RIN2: variants seen among roughly 807,000 people sequenced by gnomAD.
RIN2 encodes Ras and Rab interactor 2, also known as RAB5 interacting protein 2.
A neutral mutation model predicts 78.0 loss-of-function variants in RIN2; 36 were observed. The ratio of observed to expected loss-of-function variants is 0.46; its 90% CI spans 0.35 to 0.61. The LOEUF is 0.61. RIN2 is among the 20% of genes least tolerant of loss of function. The pLI is 0.00. For synonymous variants in RIN2, 466 were observed against 466.8 expected (o/e 1.00, Z 0.02); for missense variants, 1,087 against 1,159.7 (o/e 0.94, Z 0.91).
Position 19,996,170 on chromosome 20 carries a change from C to T in RIN2, c.2201-509C>T, listed in dbSNP as rs575529939. On this transcript the variant is annotated intron_variant, in intron 11 of 12. Coordinates refer to ENST00000255006, the MANE Select transcript of RIN2 (RefSeq NM_018993.4). ...CTCTACTAAAAATACAAAAATTAGCCAGGCGTGGTGGTGCATGCCTTTAAT... is the reference window on the plus strand; with the variant it reads ...CTCTACTAAAAATACAAAAATTAGCTAGGCGTGGTGGTGCATGCCTTTAAT... Among the ~76,000 whole-genome samples, 27 of 152,200 alleles carry T rather than the reference C, an allele frequency of 1.8e-4. No homozygotes were observed. The South Asian group carries it at 3.7e-3, about 21-fold the overall frequency.
Position 19,772,757 on chromosome 20 carries a change from C to T in RIN2, c.-163+14430C>T, listed in dbSNP as rs188516665. On this transcript the variant is annotated intron_variant, in intron 1 of 12. Transcript: ENST00000255006. ...CTCATCCCCCTGGTATGCATGAAGT[C>T]GTTTTATGCTTTTTTCCCCAAATTA... Among the ~76,000 whole-genome samples the T allele has an allele frequency of 6.2e-3, 949 of 152,244 alleles. 4 individuals are homozygous for T. Among genetic ancestry groups the T allele is most frequent in the Non-Finnish European group, 0.01 (714 of 68,020 alleles).
chr20:19,808,603 C>G (rs1389099714), intron 2 of RIN2, among the ~76,000 whole-genome samples: 1 of 152,222 alleles, frequency 6.6e-6, no homozygotes, highest in African/African-American at 2.4e-5. Context: ...ATGGTCTACC[C>G]TGGTTGGTGG....
intron 3 of RIN2, among the ~76,000 whole-genome samples, chr20:19,908,400 A>C (rs1033694491): frequency 1.3e-5 from 2 of 151,764 alleles, no homozygotes; most frequent in Non-Finnish European, 2.9e-5. Flanking sequence ...CTGAGGCAGG[A>C]GAATGGCGTG....
At chr20:19,857,282 C>T (rs1362540843) in intron 2 of RIN2, among the ~76,000 whole-genome samples, 2 of 152,150 alleles carry the variant, frequency 1.3e-5, no homozygotes, top group Non-Finnish European at 2.9e-5. Flanking sequence ...TGAGCAAATG[C>T]ATCCACGTTG....
chr20:19,914,686 T>G (rs976096647), intron 3 of RIN2, among the ~76,000 whole-genome samples: 1 of 152,216 alleles, frequency 6.6e-6, no homozygotes, highest in African/African-American at 2.4e-5. Context: ...GTTCACAGTG[T>G]GGTCTGCCCG....
chr20:19,899,973 C>A (rs2074742469), intron 3 of RIN2, among the ~76,000 whole-genome samples: 1 of 152,102 alleles, frequency 6.6e-6, no homozygotes, highest in Admixed American at 6.5e-5. Flanking sequence ...CCTGCAGGGC[C>A]AAACAGAAAT....
chr20:19,823,263 G>C (rs2035982422), intron 2 of RIN2, among the ~76,000 whole-genome samples: 2 of 152,204 alleles, frequency 1.3e-5, no homozygotes, highest in African/African-American at 2.4e-5. Flanking sequence ...TGAAGAAGCA[G>C]AAGGTAGTGA....
intron 2 of RIN2, among the ~76,000 whole-genome samples, chr20:19,868,879 A>G (rs1012862303): frequency 4.6e-5 from 7 of 152,094 alleles, no homozygotes; most frequent in Non-Finnish European, 7.4e-5. Flanking sequence ...TCAGGAGTTC[A>G]AGACCAACCT....
chr20:19,835,821 T>A (rs1239857360), intron 2 of RIN2, among the ~76,000 whole-genome samples: 3 of 152,178 alleles, frequency 2.0e-5, no homozygotes, highest in Non-Finnish European at 4.4e-5. Flanking sequence ...CTCCTCTCCA[T>A]GAACTTGTTT....
At chr20:19,960,842 C>T in intron 6 of RIN2, 31 bp downstream of exon 6, 2 of 1,374,120 alleles carry the variant, frequency 1.5e-6, no homozygotes, top group Admixed American at 1.9e-5. Context: ...CAGGTCCTGA[C>T]TGACAGGGCC....
chr20:19,789,216 C>T (rs763210720), intron 1 of RIN2, among the ~76,000 whole-genome samples: 5 of 151,994 alleles, frequency 3.3e-5, no homozygotes, highest in Non-Finnish European at 7.4e-5. Context: ...AGTTGATATT[C>T]CTGAGGAAAA....
At chr20:19,789,292 TA>T (rs1290331406) in intron 1 of RIN2, among the ~76,000 whole-genome samples, 3 of 152,226 alleles carry the variant, frequency 2.0e-5, no homozygotes, top group African/African-American at 7.2e-5. Context: ...GCTTAAATGT[TA>T]AAACTAAAAC....
At chr20:19,812,673 G>C (rs1035372508) in intron 2 of RIN2, among the ~76,000 whole-genome samples, 1 of 152,160 alleles carries the variant, frequency 6.6e-6, no homozygotes, top group East Asian at 1.9e-4. Context: ...TCACACTGCA[G>C]CACCCCCCCA....
chr20:19,856,206 G>A (rs1014242610), intron 2 of RIN2, among the ~76,000 whole-genome samples: 1 of 152,076 alleles, frequency 6.6e-6, no homozygotes, highest in Admixed American at 6.5e-5. Flanking sequence ...TCCTTGTAAT[G>A]CGCATGGGAA....
intron 1 of RIN2, among the ~76,000 whole-genome samples, 200 bp downstream of exon 1, chr20:19,758,527 G>A (rs1053263306): frequency 1.3e-5 from 2 of 152,206 alleles, no homozygotes; most frequent in African/African-American, 4.8e-5. Flanking sequence ...GGGGGAAGGG[G>A]GATCAGGGAG....
At chr20:19,854,890 T>G (rs1039833638) in intron 2 of RIN2, among the ~76,000 whole-genome samples, 1 of 152,228 alleles carries the variant, frequency 6.6e-6, no homozygotes, top group African/African-American at 2.4e-5. Context: ...CCTGCCTGAT[T>G]GCCCTGGCCA....
At chr20:19,919,020 G>T (rs746514635) in intron 3 of RIN2, among the ~76,000 whole-genome samples, 3 of 152,218 alleles carry the variant, frequency 2.0e-5, no homozygotes, top group African/African-American at 7.2e-5. Context: ...AGGCTGGAAG[G>T]CCCCGCAGTG....
chr20:19,829,881 T>C (rs927189328), intron 2 of RIN2, among the ~76,000 whole-genome samples: 4 of 152,232 alleles, frequency 2.6e-5, no homozygotes, highest in Non-Finnish European at 4.4e-5. Context: ...TGACTCTGTC[T>C]CATTCCCTGC....
chr20:19,812,982 A>G (rs937224172), intron 2 of RIN2, among the ~76,000 whole-genome samples: 1 of 152,184 alleles, frequency 6.6e-6, no homozygotes, highest in Non-Finnish European at 1.5e-5. Flanking sequence ...CTTGCTTTGT[A>G]TCCACCTAAC....
Sources: allele counts gnomAD v4.1 joint callset (sites outside exome capture counted in the v4.1 genomes callset), GRCh38; gene constraint gnomAD v4.1.1; transcripts MANE v1.5; gene names NCBI Gene and HGNC (gene_info 2026-07-23, HGNC 2026-07-21).